COL19A1: variants seen among roughly 807,000 people sequenced by gnomAD.
The protein encoded by COL19A1 is collagen alpha-1(XIX) chain.
A neutral mutation model predicts 190.2 loss-of-function variants in COL19A1; 159 were observed. The ratio of observed to expected loss-of-function variants is 0.84; its 90% confidence interval spans 0.73 to 0.95. COL19A1 has a LOEUF of 0.95. COL19A1 is among the 40% of genes least tolerant of loss of function. The pLI is 0.00. For synonymous variants in COL19A1, 509 were observed against 458.9 expected (o/e 1.11, Z -1.39); for missense variants, 1,418 against 1,431.9 (o/e 0.99, Z 0.16).
chr6:70,206,960 G>A lies in COL19A1; in HGVS notation c.3283G>A (p.Gly1095Ser). ...TGGAATTGGGCTGCCAGGGAGTCCA[G>A]GTCTTCCTGGGACTTCAGGTAAGTG... The part of the protein sequence containing the change: ...EPGIGLPGSP[G>S]LPGTSALGLP... The change falls in exon 50 of 51, where the codon GGT becomes AGT. Residue 1095 changes from glycine (G) to serine (S), a missense_variant. Coordinates refer to ENST00000620364, the MANE Select transcript of COL19A1 (RefSeq NM_001858.6). The A allele has an allele frequency of 6.2e-7, 1 of 1,613,838 alleles. No individual in the cohort carries two copies. Among genetic ancestry groups the A allele is most frequent in the Non-Finnish European group, 8.5e-7 (1 of 1,179,884 alleles).
intron 4 of COL19A1, among the ~76,000 whole-genome samples, chr6:69,923,133 A>C (rs1772104210): frequency 6.6e-6 from 1 of 152,222 alleles, no homozygotes; most frequent in Admixed American, 6.6e-5. Context: ...TCCTCAAAAA[A>C]AGCAATAAGA....
intron 2 of COL19A1, 86 bp from the exon 3 acceptor site, chr6:69,898,862 C>A: frequency 1.3e-6 from 1 of 783,992 alleles, no homozygotes; most frequent in Admixed American, 2.4e-5. Flanking sequence ...AATTTATTTC[C>A]ATTTTATCTT....
chr6:69,871,761 A>G (rs1434451505), intron 1 of COL19A1, among the ~76,000 whole-genome samples: 1 of 151,926 alleles, frequency 6.6e-6, no homozygotes, highest in African/African-American at 2.4e-5. Context: ...GGCTCACTCA[A>G]AAACTGGTGC....
chr6:69,990,577 G>A (rs970708992), intron 11 of COL19A1, among the ~76,000 whole-genome samples: 4 of 151,872 alleles, frequency 2.6e-5, no homozygotes, highest in Non-Finnish European at 4.4e-5. Context: ...TTAAAGAATC[G>A]GGGTTGTTTG....
intron 1 of COL19A1, among the ~76,000 whole-genome samples, chr6:69,868,362 T>G (rs1767612674): frequency 6.6e-6 from 1 of 152,078 alleles, no homozygotes; most frequent in Non-Finnish European, 1.5e-5. Flanking sequence ...GTGAAAAACA[T>G]GCATAAATGC....
chr6:69,946,147 G>A (rs903714264), intron 9 of COL19A1, among the ~76,000 whole-genome samples: 3 of 151,722 alleles, frequency 2.0e-5, no homozygotes, highest in African/African-American at 4.8e-5. Context: ...TGAAAGCATC[G>A]GATAGGATGT....
intron 4 of COL19A1, 61 bp downstream of exon 4, chr6:69,900,399 A>T: frequency 1.1e-6 from 1 of 884,066 alleles, no homozygotes; most frequent in Admixed American, 3.2e-5. Context: ...TTCTAAAGAG[A>T]TTTCAAATAA....
chr6:70,172,550 C>A (rs1176495882), intron 41 of COL19A1, among the ~76,000 whole-genome samples: 2 of 152,018 alleles, frequency 1.3e-5, no homozygotes, highest in African/African-American at 4.8e-5. Flanking sequence ...AGAACCAGTG[C>A]CAGTCTGCAG....
At chr6:70,103,399 C>T (rs905476534) in intron 16 of COL19A1, among the ~76,000 whole-genome samples, 1 of 152,162 alleles carries the variant, frequency 6.6e-6, no homozygotes, top group African/African-American at 2.4e-5. Context: ...ATCATGACAG[C>T]ATCTAGGTGG....
intron 2 of COL19A1, among the ~76,000 whole-genome samples, chr6:69,889,371 C>T (rs1769169545): frequency 6.6e-6 from 1 of 151,952 alleles, no homozygotes; most frequent in Admixed American, 6.6e-5. Flanking sequence ...TCAGGAGACA[C>T]CACTTGCTCC....
chr6:69,957,639 C>A (rs558014024), intron 9 of COL19A1, among the ~76,000 whole-genome samples: 1 of 151,992 alleles, frequency 6.6e-6, no homozygotes, highest in East Asian at 1.9e-4. Context: ...CAATAATGAA[C>A]TAAAGTATTG....
At chr6:69,923,539 G>T (rs1772141299) in intron 4 of COL19A1, among the ~76,000 whole-genome samples, 1 of 152,120 alleles carries the variant, frequency 6.6e-6, no homozygotes, top group Non-Finnish European at 1.5e-5. Flanking sequence ...AAAATAATCA[G>T]TGGCAATTGT....
intron 40 of COL19A1, among the ~76,000 whole-genome samples, chr6:70,170,477 A>G (rs913248661): frequency 2.0e-5 from 3 of 152,140 alleles, no homozygotes; most frequent in African/African-American, 7.2e-5. Flanking sequence ...AATTGAATTT[A>G]TTATCTTCTG....
chr6:70,065,410 G>C (rs887006888), intron 14 of COL19A1, among the ~76,000 whole-genome samples: 3 of 152,196 alleles, frequency 2.0e-5, no homozygotes, highest in African/African-American at 7.2e-5. Flanking sequence ...GCCGTATGTA[G>C]AAAGCTGAAA....
intron 14 of COL19A1, among the ~76,000 whole-genome samples, chr6:70,067,102 C>T (rs537728492): frequency 6.6e-6 from 1 of 152,034 alleles, no homozygotes; most frequent in African/African-American, 2.4e-5. Context: ...GTGGTAAGTA[C>T]TTGAGAGAAA....
At chr6:70,102,863 C>G (rs549722523) in intron 16 of COL19A1, among the ~76,000 whole-genome samples, 1 of 152,176 alleles carries the variant, frequency 6.6e-6, no homozygotes, top group African/African-American at 2.4e-5. Flanking sequence ...TCCCTGAGCA[C>G]TTTTCAGGCT....
chr6:70,130,169 T>C lies in COL19A1; in HGVS notation c.1342-13T>C. ...ATTTTTCTTTTGTATTTTAAATTGT[T>C]TTTCACCCCTAGGGAAATGATGAAC... On this transcript the variant is annotated splice_polypyrimidine_tract_variant and intron_variant, in intron 17 of 50. Transcript: ENST00000620364. The C allele has an allele frequency of 6.2e-7, 1 of 1,610,846 alleles. No homozygotes were observed. Among genetic ancestry groups the C allele is most frequent in the Non-Finnish European group, 8.5e-7 (1 of 1,179,124 alleles).
At chr6:69,937,013 T>C in intron 8 of COL19A1, 103 bp downstream of exon 8, 1 of 1,460,700 alleles carries the variant, frequency 6.8e-7, no homozygotes, top group Non-Finnish European at 9.2e-7. Context: ...CCATTCAGTG[T>C]TTGTTGAAGT....
At chr6:70,125,039 G>A (rs1221541925) in intron 17 of COL19A1, among the ~76,000 whole-genome samples, 3 of 152,110 alleles carry the variant, frequency 2.0e-5, no homozygotes, top group Non-Finnish European at 2.9e-5. Context: ...TGATGAGCAC[G>A]ATGCATGTTT....
Sources: allele counts gnomAD v4.1 joint callset (sites outside exome capture counted in the v4.1 genomes callset), GRCh38; gene constraint gnomAD v4.1.1; transcripts MANE v1.5; gene names NCBI Gene and HGNC (gene_info 2026-07-23, HGNC 2026-07-21).